FIRRM: variants seen among roughly 807,000 people sequenced by gnomAD.
FIRRM encodes FIGNL1 interacting regulator of recombination and mitosis.
the FIRRM span, among the ~76,000 whole-genome samples, chr1:169,811,251 G>A: frequency 6.6e-6 from 1 of 152,134 alleles, no homozygotes; most frequent in Non-Finnish European, 1.5e-5. Flanking sequence ...TCCTACTTAT[G>A]TTTATATAAT....
the FIRRM span, among the ~76,000 whole-genome samples, chr1:169,798,298 C>T: frequency 6.3e-3 from 941 of 148,748 alleles, 7 homozygotes; most frequent in African/African-American, 0.022. Context: ...TTTTTTGAGA[C>T]GGAGTCTCGC....
the FIRRM span, among the ~76,000 whole-genome samples, chr1:169,784,239 C>T: frequency 6.6e-6 from 1 of 152,146 alleles, no homozygotes. Context: ...ATGTAGGGTG[C>T]AGCAAGGTCA....
the FIRRM span, among the ~76,000 whole-genome samples, chr1:169,819,816 G>A: frequency 6.6e-6 from 1 of 152,146 alleles, no homozygotes; most frequent in South Asian, 2.1e-4. Context: ...GAGGGGAAGA[G>A]AATCAACAAA....
the FIRRM span, among the ~76,000 whole-genome samples, chr1:169,840,332 A>G: frequency 7.9e-5 from 12 of 152,236 alleles, no homozygotes; most frequent in African/African-American, 2.9e-4. Flanking sequence ...CATTTTAATG[A>G]TACTGACTCT....
chr1:169,806,305 C>G, the FIRRM span, among the ~76,000 whole-genome samples: 1 of 152,198 alleles, frequency 6.6e-6, no homozygotes, highest in Non-Finnish European at 1.5e-5. Flanking sequence ...AATGTTCTTC[C>G]TAGTTAGCTA....
At chr1:169,788,875 G>A in the FIRRM span, among the ~76,000 whole-genome samples, 1 of 152,182 alleles carries the variant, frequency 6.6e-6, no homozygotes, top group East Asian at 1.9e-4. Flanking sequence ...CTTTCAAACA[G>A]AAATAGCATT....
chr1:169,843,887 T>C, the FIRRM span: 3 of 636,116 alleles, frequency 4.7e-6, no homozygotes, highest in Non-Finnish European at 8.4e-6. Flanking sequence ...TGTCATATAT[T>C]GACTTGTCTT....
At chr1:169,795,765 C>T in the FIRRM span, 1 of 985,224 alleles carries the variant, frequency 1.0e-6, no homozygotes, top group South Asian at 4.7e-5. Context: ...CCTCCTTCCC[C>T]TCTCAGACCT....
At chr1:169,851,649 G>A in the FIRRM span, 6 of 758,248 alleles carry the variant, frequency 7.9e-6, no homozygotes, top group African/African-American at 3.5e-5. Flanking sequence ...GAACACAGTA[G>A]AGTGATTTAA....
At chr1:169,789,382 C>A in the FIRRM span, among the ~76,000 whole-genome samples, 1 of 152,182 alleles carries the variant, frequency 6.6e-6, no homozygotes, top group Non-Finnish European at 1.5e-5. Context: ...TTATCCACCC[C>A]ACAGACCCTA....
the FIRRM span, among the ~76,000 whole-genome samples, chr1:169,798,417 G>A: frequency 2.0e-5 from 3 of 151,838 alleles, no homozygotes; most frequent in Admixed American, 6.6e-5. Flanking sequence ...ACAGGTGTGC[G>A]CCACCATGCC....
chr1:169,817,937 A>G, the FIRRM span, among the ~76,000 whole-genome samples: 1 of 143,224 alleles, frequency 7.0e-6, no homozygotes, highest in African/African-American at 2.6e-5. Context: ...ACTTTAGCCA[A>G]TATGTTCACA....
chr1:169,827,948 T>G, the FIRRM span: 1 of 1,190,044 alleles, frequency 8.4e-7, no homozygotes, highest in Non-Finnish European at 1.2e-6. Flanking sequence ...AATCAGATAT[T>G]TATGTTAATA....
the FIRRM span, among the ~76,000 whole-genome samples, chr1:169,788,209 A>G: frequency 6.6e-6 from 1 of 152,256 alleles, no homozygotes; most frequent in South Asian, 2.1e-4. Context: ...ATGAATTTGA[A>G]TTGCATGGTC....
chr1:169,801,246 C>G, the FIRRM span, among the ~76,000 whole-genome samples: 1 of 151,652 alleles, frequency 6.6e-6, no homozygotes, highest in Admixed American at 6.6e-5. Flanking sequence ...AGTTCGAGAC[C>G]ACCCATGGTC....
At chr1:169,841,767 T>C in the FIRRM span, among the ~76,000 whole-genome samples, 1 of 152,286 alleles carries the variant, frequency 6.6e-6, no homozygotes, top group African/African-American at 2.4e-5. Flanking sequence ...AAATAACTTT[T>C]TGTTGATGTA....
At chr1:169,849,393 C>A in the FIRRM span, 1 of 766,030 alleles carries the variant, frequency 1.3e-6, no homozygotes, top group Non-Finnish European at 2.1e-6. Flanking sequence ...TCCCCTGGGA[C>A]AGGATTATGT....
At chr1:169,847,798 A>C in the FIRRM span, 1 of 1,566,886 alleles carries the variant, frequency 6.4e-7, no homozygotes, top group South Asian at 1.1e-5. Context: ...ACCTGAAGCT[A>C]TCCAGGTAAT....
chr1:169,792,517 C>A, the FIRRM span: 1 of 1,369,880 alleles, frequency 7.3e-7, no homozygotes, highest in Non-Finnish European at 9.7e-7. Flanking sequence ...AAACAGAAAT[C>A]AAACACTCAA....
Sources: allele counts gnomAD v4.1 joint callset (sites outside exome capture counted in the v4.1 genomes callset), GRCh38; gene constraint gnomAD v4.1.1; transcripts MANE v1.5; gene names NCBI Gene and HGNC (gene_info 2026-07-23, HGNC 2026-07-21).